Variants in STOX2 observed in about 807,000 individuals in gnomAD.
STOX2 encodes the protein storkhead box 2, also known as storkhead-box protein 2.
STOX2 carries 28 observed loss-of-function variants against 60.9 expected under a neutral mutation model. The ratio of observed to expected loss-of-function variants is 0.46; its 90% confidence interval spans 0.34 to 0.63. The LOEUF (loss-of-function observed/expected upper bound fraction) is 0.63, where lower values mean the gene tolerates loss of function less well. Ranked by LOEUF, STOX2 falls within the 30% of genes least tolerant of loss-of-function variation. The pLI, the probability that STOX2 is intolerant of heterozygous loss-of-function variation, is 0.01. For synonymous variants in STOX2, 472 were observed against 463.9 expected, an observed-to-expected ratio of 1.02 and a Z score of -0.22; for missense variants, 1,024 against 1,187.7, an observed-to-expected ratio of 0.86 and a Z score of 2.03.
chr4:183,833,897 G>A (rs1309980849), intron 1 of STOX2, among the ~76,000 whole-genome samples: 1 of 148,810 alleles, frequency 6.7e-6, no homozygotes, highest in East Asian at 2.0e-4. Context: ...CAGGAGAATG[G>A]CGTGAACCCG....
intron 1 of STOX2, among the ~76,000 whole-genome samples, chr4:183,985,030 T>C (rs1314507475): frequency 1.3e-5 from 2 of 152,106 alleles, no homozygotes; most frequent in East Asian, 3.9e-4. Context: ...GATGAGCTTG[T>C]GGTGGTTTTG....
chr4:183,820,180 C>T (rs1739274870), intron 1 of STOX2, among the ~76,000 whole-genome samples: 1 of 152,154 alleles, frequency 6.6e-6, no homozygotes, highest in South Asian at 2.1e-4. Flanking sequence ...CCGCCTCGGC[C>T]TCCCAAAGTG....
intron 1 of STOX2, among the ~76,000 whole-genome samples, chr4:183,885,555 A>G (rs1354649098): frequency 6.6e-6 from 1 of 152,096 alleles, no homozygotes; most frequent in South Asian, 2.1e-4. Context: ...GCTGCCTCGC[A>G]TTTGCTTTGT....
chr4:183,832,746 T>A (rs1739602785), intron 1 of STOX2, among the ~76,000 whole-genome samples: 1 of 152,326 alleles, frequency 6.6e-6, no homozygotes, highest in African/African-American at 2.4e-5. Context: ...TGCCTTGGCC[T>A]CCCAAAGTGC....
chr4:183,972,264 C>T (rs1008402806), intron 1 of STOX2, among the ~76,000 whole-genome samples: 2 of 152,176 alleles, frequency 1.3e-5, no homozygotes, highest in African/African-American at 4.8e-5. Flanking sequence ...TGTCCTTCTG[C>T]CACTTGACAC....
intron 1 of STOX2, chr4:183,798,168 C>G (rs1316633312): frequency 5.8e-6 from 6 of 1,033,084 alleles, no homozygotes; most frequent in Non-Finnish European, 7.4e-6. Flanking sequence ...CGCCGAGGCT[C>G]CCCTGGGTGC....
chr4:183,915,655 T>TAAG (rs1741910631), intron 1 of STOX2, among the ~76,000 whole-genome samples: 2 of 152,152 alleles, frequency 1.3e-5, no homozygotes, highest in Admixed American at 6.5e-5. Flanking sequence ...GGTGTTCTTA[T>TAAG]AAGAAGAAGA....
chr4:184,016,554 GAA>G (rs1734384295), intron 3 of STOX2, among the ~76,000 whole-genome samples: 1 of 152,128 alleles, frequency 6.6e-6, no homozygotes, highest in South Asian at 2.1e-4. Flanking sequence ...CGTTTAAAGT[GAA>G]TTTTATTCCC....
chr4:183,904,538 T>A (rs1236586745), upstream of STOX2, among the ~76,000 whole-genome samples: 1 of 152,270 alleles, frequency 6.6e-6, no homozygotes, highest in African/African-American at 2.4e-5. Context: ...CTTTCCCAAT[T>A]AAAAATAAAA....
intron 1 of STOX2, among the ~76,000 whole-genome samples, chr4:183,846,146 G>A (rs184968126): frequency 7.7e-4 from 117 of 152,268 alleles, no homozygotes; most frequent in African/African-American, 2.6e-3. Flanking sequence ...TCTGGCCTCC[G>A]TGGCTTCTGA....
In STOX2 at chr4:183,953,605, G is replaced by T. The variant is rs1016524049; in HGVS notation, c.166+46649G>T. Among the ~76,000 whole-genome samples the T allele has an allele frequency of 3.4e-5, 5 of 146,042 alleles. No homozygotes were observed. In the South Asian group the frequency reaches 1.1e-3, roughly 31 times the overall value. ...TTTTGAGACTGAGTCTGGCTTAATCGCCCAGCCTGGAGTGCAGTGGCAGGA... is the reference window on the plus strand; with the variant it reads ...TTTTGAGACTGAGTCTGGCTTAATCTCCCAGCCTGGAGTGCAGTGGCAGGA... On this transcript the variant is annotated intron_variant, in intron 1 of 3. Transcript: ENST00000308497.
At chr4:183,997,910 T>C (rs1391147510) in intron 1 of STOX2, among the ~76,000 whole-genome samples, 1 of 152,226 alleles carries the variant, frequency 6.6e-6, no homozygotes, top group Non-Finnish European at 1.5e-5. Flanking sequence ...CTCTTGGAGT[T>C]GGCTGCAATG....
At chr4:183,949,693 G>A (rs183117091) in intron 1 of STOX2, among the ~76,000 whole-genome samples, 156 of 152,222 alleles carry the variant, frequency 1.0e-3, no homozygotes, top group African/African-American at 3.6e-3. Context: ...GCGAGACTCC[G>A]TATCAAAATC....
intron 1 of STOX2, among the ~76,000 whole-genome samples, chr4:183,873,352 A>G (rs911608705): frequency 1.3e-5 from 2 of 151,012 alleles, no homozygotes; most frequent in African/African-American, 4.9e-5. Context: ...AGGCTGAGGC[A>G]GGAGAATCGC....
At position 184,010,031 on chromosome 4, in the gene STOX2, A is replaced by C; in HGVS notation, c.1193A>C (p.Asp398Ala). Residue 398 changes from aspartate (D) to alanine (A), a missense_variant, in exon 3 of 4, where the codon GAC (aspartate) becomes GCC (alanine). This residue lies in a region of STOX2 where 922 missense variants were observed against 1,058.3 expected (regional missense o/e 0.87). Coordinates refer to ENST00000308497, the MANE Select transcript of STOX2 (RefSeq NM_020225.3). The surrounding 1 kb of genome is among the most constrained non-coding windows in gnomAD (Gnocchi z 4.5). ...GATATCCCAGCTGAAAGAGAGTATG[A>C]CTTTTGTGATCCTCTTACCAGGGTG... ...HLDIPAEREYDFCDPLTRVPR... is the reference protein window; with the variant it reads ...HLDIPAEREYAFCDPLTRVPR... 1.2e-6 allele frequency: 2 copies of C among 1,613,888 alleles called. No homozygotes were observed. The highest frequency in any genetic ancestry group is 1.7e-6 in the Non-Finnish European group (2 of 1,179,856).
chr4:184,000,974 C>T lies in STOX2; in HGVS notation c.167-351C>T, dbSNP rs758984999. Among the ~76,000 whole-genome samples, 9 of 152,196 alleles carry T rather than the reference C, an allele frequency of 5.9e-5. No individual in the cohort carries two copies. In the South Asian group the frequency reaches 6.2e-4, roughly 11 times the overall value. On this transcript the variant is annotated intron_variant, in intron 1 of 3. Coordinates refer to ENST00000308497, the MANE Select transcript of STOX2 (RefSeq NM_020225.3). ...ATCAAGTTACACAAATGCAATTTGT[C>T]GGGATATGAATGGCAGTTATTAAAT...
intron 1 of STOX2, among the ~76,000 whole-genome samples, chr4:183,915,496 C>T (rs920465165): frequency 1.3e-5 from 2 of 151,782 alleles, no homozygotes; most frequent in Non-Finnish European, 2.9e-5. Context: ...CATTGTTACG[C>T]GTCGAATGTG....
At chr4:183,835,009 T>C (rs757188549) in intron 1 of STOX2, among the ~76,000 whole-genome samples, 1 of 152,096 alleles carries the variant, frequency 6.6e-6, no homozygotes, top group Non-Finnish European at 1.5e-5. Context: ...CTTTAGAGTT[T>C]GATGCAATAC....
rs145057962 is a variant in STOX2 at position 183,925,200 on chromosome 4, G to C, written c.166+18244G>C. Among the ~76,000 whole-genome samples the C allele has an allele frequency of 8.4e-3, 1,274 of 152,276 alleles. 24 individuals carry two copies. Among genetic ancestry groups the C allele is most frequent in the Admixed American group, 0.04 (612 of 15,298 alleles). On this transcript the variant is annotated intron_variant, in intron 1 of 3. Coordinates refer to ENST00000308497, the MANE Select transcript of STOX2 (RefSeq NM_020225.3). ...GAAACAGAGGTTTGGTATATGAGAA[G>C]GTGAAAGCACAGGTTTGGTATGTGA... is the stretch of plus-strand genomic sequence containing the variant.
Sources: gnomAD v4.1 joint callset for allele counts (sites outside exome capture counted in the v4.1 genomes callset) on GRCh38, gnomAD v4.1.1 for gene constraint, gnomAD v4.1.1 regional missense constraint, Gnocchi (gnomAD v3.1) non-coding constraint, MANE v1.5 for transcripts, NCBI Gene and HGNC (gene_info 2026-07-23, HGNC 2026-07-21) for gene names.